EFL1: variants seen among roughly 807,000 people sequenced by gnomAD.
EFL1 encodes the protein elongation factor like GTPase 1.
A neutral mutation model predicts 126.7 loss-of-function variants in EFL1; 76 were observed. The ratio of observed to expected loss-of-function variants is 0.60; its 90% CI spans 0.50 to 0.73. The LOEUF is 0.73. Among genes scored for constraint, EFL1 ranks in the 30% least tolerant of loss-of-function variants. EFL1 has a pLI of 0.00. For synonymous variants in EFL1, 410 were observed against 448.4 expected, an observed-to-expected ratio of 0.91 and a Z score of 1.08; for missense variants, 1,128 against 1,343.2, an observed-to-expected ratio of 0.84 and a Z score of 2.50.
chr15:82,134,114 A>G (rs1467925453), intron 19 of EFL1, among the ~76,000 whole-genome samples: 1 of 152,190 alleles, frequency 6.6e-6, no homozygotes, highest in Non-Finnish European at 1.5e-5. Flanking sequence ...AAAAGTCCCA[A>G]TATCATATGA....
rs150562669 is a variant in EFL1, at chr15:82,143,017, A to G, written c.2990-4175T>C. 8.2e-3 allele frequency among the ~76,000 whole-genome samples: 1,246 copies of G among 152,316 alleles called. 4 individuals are homozygous for G. Among genetic ancestry groups the G allele is most frequent in the Non-Finnish European group, 0.012 (848 of 68,026 alleles). On this transcript the variant is annotated intron_variant, in intron 18 of 19. Coordinates refer to ENST00000268206, the MANE Select transcript of EFL1 (RefSeq NM_024580.6). ...ATACATTTTCTTCTTCCATAATATTAAGATTAACCTGTACATTCTACAGTC... is the reference window on the plus strand; with the variant it reads ...ATACATTTTCTTCTTCCATAATATTGAGATTAACCTGTACATTCTACAGTC...
intron 15 of EFL1, among the ~76,000 whole-genome samples, chr15:82,168,175 T>G (rs116348687): frequency 0.011 from 1,681 of 152,292 alleles, 33 homozygotes; most frequent in African/African-American, 0.039. Context: ...CTGTTTCCAA[T>G]TTTATGCCTT....
intron 18 of EFL1, among the ~76,000 whole-genome samples, chr15:82,141,202 C>G (rs2073782954): frequency 6.6e-6 from 1 of 152,096 alleles, no homozygotes; most frequent in Non-Finnish European, 1.5e-5. Context: ...AAATGAAAAA[C>G]AATACTTCAA....
chr15:82,191,601 G>C (rs1477725887), intron 15 of EFL1, among the ~76,000 whole-genome samples: 1 of 138,622 alleles, frequency 7.2e-6, no homozygotes, highest in Non-Finnish European at 1.5e-5. Context: ...CACTCATCCA[G>C]TGAGTGCTTT....
At position 82,252,730 on chromosome 15, in the gene EFL1, T is replaced by C. The variant is rs2075033717; in HGVS notation, c.205A>G (p.Thr69Ala). ...AGGGAAATGGCACTGGATTTCATAG[T>C]GATCCCTCGGATCTGTTCATCTTCT... ...SREDEQIRGI[T>A]MKSSAISLHY... The change falls in exon 4 of 20, where the codon ACT becomes GCT. Residue 69 changes from threonine to alanine, a missense_variant. Physicochemically the swap from Thr to Ala is moderately conservative, Grantham distance 58. Coordinates refer to ENST00000268206, the MANE Select transcript of EFL1 (RefSeq NM_024580.6). 6.2e-7 allele frequency: 1 copy of C among 1,613,406 alleles called. No homozygotes were observed. The highest frequency in any genetic ancestry group is 8.5e-7 in the Non-Finnish European group (1 of 1,179,458).
intron 11 of EFL1, among the ~76,000 whole-genome samples, chr15:82,226,603 G>T (rs2074766636): frequency 6.6e-6 from 1 of 152,160 alleles, no homozygotes; most frequent in Non-Finnish European, 1.5e-5. Context: ...TTGGGGATAT[G>T]TTCAGTTGAG....
intron 4 of EFL1, among the ~76,000 whole-genome samples, chr15:82,246,335 A>G (rs1283097267): frequency 3.3e-5 from 5 of 152,128 alleles, no homozygotes; most frequent in African/African-American, 1.2e-4. Flanking sequence ...GAAACCCTGG[A>G]GTAAAAAAAA....
chr15:82,202,665 A>G (rs1024357681), intron 15 of EFL1, among the ~76,000 whole-genome samples: 7 of 152,226 alleles, frequency 4.6e-5, no homozygotes, highest in Admixed American at 4.6e-4. Context: ...CCAGGGCTAC[A>G]AGGCTTAAAA....
intron 15 of EFL1, among the ~76,000 whole-genome samples, chr15:82,191,539 A>T (rs532652570): frequency 6.6e-6 from 1 of 151,572 alleles, no homozygotes; most frequent in South Asian, 2.1e-4. Context: ...TTCGACATGA[A>T]ATCCCAAACT....
In EFL1 at chr15:82,152,357, G is replaced by T. The variant is rs748374370; in HGVS notation, c.2097C>A (p.Pro699=). ...IIPFRETITK[P]PKVDMVNEEI... ...CTTCATTGACCATGTCAACTTTTGG[G>T]GGTTTTGTGATTGTTTCTCTGAATG... The change falls in exon 18 of 20, where the codon CCC becomes CCA. Residue 699 remains proline (P), a synonymous_variant. Coordinates refer to ENST00000268206, the MANE Select transcript of EFL1 (RefSeq NM_024580.6). The T allele has an allele frequency of 6.2e-7, 1 of 1,613,542 alleles. No individual in the cohort carries two copies. Among genetic ancestry groups the T allele is most frequent in the Non-Finnish European group, 8.5e-7 (1 of 1,180,006 alleles).
chr15:82,153,339 A>G (rs1449721755), intron 17 of EFL1, among the ~76,000 whole-genome samples: 1 of 152,230 alleles, frequency 6.6e-6, no homozygotes, highest in Non-Finnish European at 1.5e-5. Flanking sequence ...AACTACTTTG[A>G]TATTCAAACC....
Position 82,152,073 on chromosome 15 carries a change from T to C in EFL1, c.2381A>G (p.Gln794Arg). The C allele has an allele frequency of 1.2e-6, 2 of 1,614,168 alleles. No homozygotes were observed. Among genetic ancestry groups the C allele is most frequent in the Non-Finnish European group, 1.7e-6 (2 of 1,180,032 alleles). ...TTCCCAAATTTTCTCTTGGGTCTTC[T>C]GATGAATCATGTGAGTATTTTCACC... ...NEGENTHMIH[Q>R]KTQEKIWEFK... The change falls in exon 18 of 20, where the codon CAG (glutamine) becomes CGG (arginine). Residue 794 changes from glutamine to arginine, a missense_variant. By Grantham distance (43) the Gln-to-Arg change is conservative. This residue lies in a region of EFL1 where 561 missense variants were observed against 641.7 expected (regional missense o/e 0.87). Coordinates refer to ENST00000268206, the MANE Select transcript of EFL1 (RefSeq NM_024580.6).
chr15:82,226,330 AG>A (rs1182999121), intron 11 of EFL1, among the ~76,000 whole-genome samples: 1 of 152,002 alleles, frequency 6.6e-6, no homozygotes, highest in East Asian at 1.9e-4. Context: ...CACCACGCCC[AG>A]TTAGTTTTTG....
chr15:82,202,105 T>C (rs1486572745), intron 15 of EFL1, among the ~76,000 whole-genome samples: 1 of 152,204 alleles, frequency 6.6e-6, no homozygotes, highest in Admixed American at 6.5e-5. Flanking sequence ...TTAAAAGCTA[T>C]CAAAAAGTTT....
At chr15:82,232,881 T>C (rs559334024) in intron 7 of EFL1, among the ~76,000 whole-genome samples, 37 of 152,294 alleles carry the variant, frequency 2.4e-4, no homozygotes, top group Non-Finnish European at 5.0e-4. Flanking sequence ...GTTAGATTTC[T>C]GGTGTGGTTT....
intron 19 of EFL1, among the ~76,000 whole-genome samples, chr15:82,132,196 T>C (rs1471146845): frequency 1.3e-5 from 2 of 152,130 alleles, no homozygotes; most frequent in Non-Finnish European, 2.9e-5. Flanking sequence ...TGAACAAAGG[T>C]TGGAAACAAA....
At chr15:82,210,091 A>C (rs2074568218) in intron 15 of EFL1, among the ~76,000 whole-genome samples, 1 of 152,240 alleles carries the variant, frequency 6.6e-6, no homozygotes, top group South Asian at 2.1e-4. Flanking sequence ...AAAAAGATGA[A>C]GTTTACAGGT....
chr15:82,253,237 G>A (rs773980367), intron 3 of EFL1, among the ~76,000 whole-genome samples: 28 of 151,788 alleles, frequency 1.8e-4, no homozygotes, highest in Non-Finnish European at 2.8e-4. Context: ...ACAGGGTTTC[G>A]CCATGCTGGC....
chr15:82,173,781 C>T (rs938852299), intron 15 of EFL1, among the ~76,000 whole-genome samples: 14 of 152,172 alleles, frequency 9.2e-5, no homozygotes, highest in Admixed American at 1.3e-4. Flanking sequence ...ATAGTGGCTA[C>T]GTCTGGATAG....
Sources: allele counts gnomAD v4.1 joint callset (sites outside exome capture counted in the v4.1 genomes callset), GRCh38; gene constraint gnomAD v4.1.1; regional missense constraint gnomAD v4.1.1; transcripts MANE v1.5; gene names NCBI Gene and HGNC (gene_info 2026-07-23, HGNC 2026-07-21).